The following RMDN3 variants were observed in gnomAD, a reference collection of about 807,000 sequenced individuals.
RMDN3 encodes the protein regulator of microtubule dynamics 3.
A neutral mutation model predicts 61.8 loss-of-function variants in RMDN3; 41 were observed. The observed-to-expected ratio is 0.66, with a 90% CI of 0.52 to 0.86. The LOEUF is 0.86. RMDN3 is among the 40% of genes least tolerant of loss of function. The pLI, the probability that RMDN3 is intolerant of heterozygous loss-of-function variation, is 0.00. For missense variants in RMDN3, 557 were observed against 585.3 expected, an observed-to-expected ratio of 0.95 and a Z score of 0.50; for synonymous variants, 247 against 232.0, an observed-to-expected ratio of 1.06 and a Z score of -0.59.
chr15:40,751,744 A>C (rs1897832452), intron 3 of RMDN3, 175 bp from the exon 4 acceptor site: 1 of 970,616 alleles, frequency 1.0e-6, no homozygotes, highest in South Asian at 1.4e-5. Flanking sequence ...CCCAGCCCGC[A>C]CAGACAGACT....
At chr15:40,737,258 A>ATCT in intron 11 of RMDN3, 30 bp downstream of exon 11, 2 of 1,612,722 alleles carry the variant, frequency 1.2e-6, no homozygotes, top group Non-Finnish European at 8.5e-7. Flanking sequence ...GAGTTCCCAG[A>ATCT]TCTATGTTGA....
chr15:40,741,121 C>T (rs1388841951), intron 6 of RMDN3, among the ~76,000 whole-genome samples: 1 of 151,964 alleles, frequency 6.6e-6, no homozygotes, highest in African/African-American at 2.4e-5. Context: ...AGAAATTGTC[C>T]CCAACAGACC....
In RMDN3 at chr15:40,745,263, G is replaced by A; in HGVS notation, c.525-4C>T. On this transcript the variant is annotated splice_region_variant and splice_polypyrimidine_tract_variant and intron_variant, in intron 4 of 12. Transcript: ENST00000338376. ...CTCCGCATTGGCTGTTGTGTAACTG[G>A]CAGAGAAATGTAAGGGACAACAAGA... The A allele has an allele frequency of 6.2e-7, 1 of 1,612,810 alleles. No homozygotes were observed.
At chr15:40,736,826 CATG>C (rs1897069854) in intron 12 of RMDN3, among the ~76,000 whole-genome samples, 2 of 152,064 alleles carry the variant, frequency 1.3e-5, no homozygotes. Context: ...AAAAATGTCA[CATG>C]ATGATTCAGT....
In RMDN3 at chr15:40,737,668, A is replaced by G; in HGVS notation, c.1184T>C (p.Leu395Pro). Residue 395 changes from leucine to proline, a missense_variant, in exon 10 of 13, where the codon CTC becomes CCC. Physicochemically the swap from Leu to Pro is moderately conservative, Grantham distance 98. Coordinates refer to ENST00000338376, the MANE Select transcript of RMDN3 (RefSeq NM_018145.3). Reference sequence around the variant, plus strand: ...GAGGGCATCTTCCACAGTGGCACTGAGAGGGCTTTCAAGCAAGGCTGTAGC... The same window carrying G: ...GAGGGCATCTTCCACAGTGGCACTGGGAGGGCTTTCAAGCAAGGCTGTAGC... The part of the protein sequence containing the change: ...KTATALLESP[L>P]SATVEDALQS... 1 of 1,614,112 alleles carries G rather than the reference A, an allele frequency of 6.2e-7. No individual in the cohort carries two copies. Among genetic ancestry groups the G allele is most frequent in the Non-Finnish European group, 8.5e-7 (1 of 1,180,016 alleles).
chr15:40,754,849 G>A (rs1057483170), intron 1 of RMDN3, 59 bp from the exon 2 acceptor site: 27 of 1,373,200 alleles, frequency 2.0e-5, no homozygotes, highest in South Asian at 1.9e-4. Context: ...GGGGTAAGGA[G>A]AGAGAGAGAT....
intron 4 of RMDN3, among the ~76,000 whole-genome samples, chr15:40,747,276 C>G (rs780648934): frequency 1.3e-5 from 2 of 152,196 alleles, no homozygotes; most frequent in Non-Finnish European, 2.9e-5. Flanking sequence ...GGGACCTGAG[C>G]TGCGATGCTG....
chr15:40,754,910 C>A, intron 1 of RMDN3, 120 bp from the exon 2 acceptor site: 1 of 809,964 alleles, frequency 1.2e-6, no homozygotes, highest in Non-Finnish European at 1.9e-6. Flanking sequence ...CAGGTATCCC[C>A]TTGCCCAAAC....
intron 4 of RMDN3, among the ~76,000 whole-genome samples, chr15:40,749,500 G>A (rs900496885): frequency 6.6e-6 from 1 of 152,050 alleles, no homozygotes; most frequent in Admixed American, 6.6e-5. Context: ...GGGCAACAGA[G>A]TGAGACCCTG....
At chr15:40,746,239 G>C (rs1897543133) in intron 4 of RMDN3, among the ~76,000 whole-genome samples, 1 of 152,230 alleles carries the variant, frequency 6.6e-6, no homozygotes, top group Non-Finnish European at 1.5e-5. Flanking sequence ...CACAAGGCTG[G>C]GGGCGGTGGC....
chr15:40,751,279 T>G, intron 4 of RMDN3, 147 bp downstream of exon 4: 1 of 996,760 alleles, frequency 1.0e-6, no homozygotes, highest in Admixed American at 2.3e-5. Context: ...TTGGATGGGT[T>G]TTTTGTTTCA....
chr15:40,744,242 C>G (rs756916329), intron 5 of RMDN3, 93 bp from the exon 6 acceptor site: 1 of 1,178,550 alleles, frequency 8.5e-7, no homozygotes, highest in East Asian at 2.4e-5. Flanking sequence ...GTTTGAATTT[C>G]CAAGCTAGTA....
intron 6 of RMDN3, among the ~76,000 whole-genome samples, 176 bp downstream of exon 6, chr15:40,743,869 GCT>G (rs1448984568): frequency 1.3e-5 from 2 of 152,190 alleles, no homozygotes; most frequent in Non-Finnish European, 2.9e-5. Flanking sequence ...AGCAAAGACT[GCT>G]CTCTTCTTCC....
chr15:40,749,214 C>T (rs2141921564), intron 4 of RMDN3, among the ~76,000 whole-genome samples: 1 of 152,332 alleles, frequency 6.6e-6, no homozygotes, highest in East Asian at 1.9e-4. Flanking sequence ...AGTACAACTT[C>T]TTTAAATCAT....
Position 40,736,245 on chromosome 15 carries a change from T to A in RMDN3, c.*296A>T. 2.5e-6 allele frequency: 1 copy of A among 404,428 alleles called. No homozygotes were observed. The highest frequency in any genetic ancestry group is 4.4e-6 in the Non-Finnish European group (1 of 227,864). The allele number at this position is 404,428 out of a possible 1,614,324, so 25.1% of individuals were successfully genotyped here. On this transcript the variant is annotated 3_prime_UTR_variant, in exon 13 of 13. Transcript: ENST00000338376. ...CCACCTCACCAGCAATTGGAAGGTCTCAGGTCTTGCAGGCTCTACCCATGT... is the reference window on the plus strand; with the variant it reads ...CCACCTCACCAGCAATTGGAAGGTCACAGGTCTTGCAGGCTCTACCCATGT...
Position 40,737,948 on chromosome 15 carries a change from AC to A in RMDN3, c.1125+16del, listed in dbSNP as rs761812108. On this transcript the variant is annotated intron_variant, in intron 9 of 12. Coordinates refer to ENST00000338376, the MANE Select transcript of RMDN3 (RefSeq NM_018145.3). ...GGCATTTAGGACCATTATGTCAAGCACTGAAACGCAGCTTACCTGATAGCAC... is the reference window on the plus strand; with the variant it reads ...GGCATTTAGGACCATTATGTCAAGCATGAAACGCAGCTTACCTGATAGCAC... The A allele has an allele frequency of 7.4e-6, 12 of 1,613,470 alleles. No homozygotes were observed. Among genetic ancestry groups the A allele is most frequent in the South Asian group, 2.2e-5 (2 of 91,074 alleles).
rs1331584759 is a variant in RMDN3 at position 40,735,987 on chromosome 15, C to G, written c.*554G>C. ...ATCATAAACCCCATACCACTGCTGTCATTCCAAAAGCTGCCAGGACACTGG... is the reference window on the plus strand; with the variant it reads ...ATCATAAACCCCATACCACTGCTGTGATTCCAAAAGCTGCCAGGACACTGG... On this transcript the variant is annotated 3_prime_UTR_variant, in exon 13 of 13. Coordinates refer to ENST00000338376, the MANE Select transcript of RMDN3 (RefSeq NM_018145.3). The G allele has an allele frequency of 1.3e-5, 2 of 152,348 alleles. No individual in the cohort carries two copies. Among genetic ancestry groups the G allele is most frequent in the East Asian group, 3.9e-4 (2 of 5,182 alleles). The allele number at this position is 152,348 out of a possible 1,614,324, so 9.4% of individuals were successfully genotyped here.
At chr15:40,754,557 T>TA (rs1323436631) in intron 2 of RMDN3, 40 bp downstream of exon 2, 1 of 1,566,562 alleles carries the variant, frequency 6.4e-7, no homozygotes, top group Non-Finnish European at 8.7e-7. Flanking sequence ...TCAGGCCCAT[T>TA]AGTCTGCAGT....
chr15:40,742,871 C>T (rs561817162), intron 6 of RMDN3, among the ~76,000 whole-genome samples: 5 of 152,176 alleles, frequency 3.3e-5, no homozygotes, highest in Non-Finnish European at 7.3e-5. Context: ...GAATCCTCAT[C>T]TGAAATTTAG....
Sources: allele counts gnomAD v4.1 joint callset (sites outside exome capture counted in the v4.1 genomes callset), GRCh38; gene constraint gnomAD v4.1.1; transcripts MANE v1.5; gene names NCBI Gene and HGNC (gene_info 2026-07-23, HGNC 2026-07-21).